The following BABAM2 variants were observed in gnomAD, a reference collection of about 807,000 sequenced individuals.
The protein encoded by BABAM2 is BRISC and BRCA1 A complex member 2, also known as BRISC and BRCA1-A complex member 2.
A neutral mutation model predicts 54.7 loss-of-function variants in BABAM2; 31 were observed. The ratio of observed to expected loss-of-function variants is 0.57; its 90% CI spans 0.43 to 0.77. BABAM2 has a LOEUF of 0.77. Among genes scored for constraint, BABAM2 ranks in the 30% least tolerant of loss-of-function variants. The pLI is 0.00. For synonymous variants in BABAM2, 167 were observed against 162.9 expected (o/e 1.03, Z -0.19); for missense variants, 364 against 455.8 (o/e 0.80, Z 1.83).
rs577390033 is a variant in BABAM2, at chr2:28,018,256, G to A, written c.301-6970G>A. On this transcript the variant is annotated intron_variant, in intron 4 of 11. Transcript: ENST00000379624. ...CTCCCACGTGTGAGTGAGAACATAC[G>A]ATGTTTGTTTTTTTATTCCTGAGTT... Among the ~76,000 whole-genome samples, 14 of 152,262 alleles carry A rather than the reference G, an allele frequency of 9.2e-5. No individual in the cohort carries two copies. In the South Asian group the frequency reaches 1.7e-3, roughly 18 times the overall value.
At chr2:27,963,667 G>A (rs1670639297) in intron 3 of BABAM2, among the ~76,000 whole-genome samples, 1 of 151,908 alleles carries the variant, frequency 6.6e-6, no homozygotes, top group South Asian at 2.1e-4. Context: ...AATCATTTCA[G>A]CAGAAAATTT....
At chr2:27,922,159 T>A (rs1382538675) in intron 2 of BABAM2, among the ~76,000 whole-genome samples, 1 of 152,240 alleles carries the variant, frequency 6.6e-6, no homozygotes, top group Non-Finnish European at 1.5e-5. Context: ...TTTGATGTCA[T>A]CATCTGTAAA....
At chr2:27,927,273 G>C (rs1403956853) in intron 2 of BABAM2, among the ~76,000 whole-genome samples, 1 of 152,150 alleles carries the variant, frequency 6.6e-6, no homozygotes, top group Non-Finnish European at 1.5e-5. Flanking sequence ...AAGAAGGAGT[G>C]AGTTATTCAA....
chr2:27,919,991 G>C (rs1395425089), intron 2 of BABAM2, among the ~76,000 whole-genome samples: 1 of 151,966 alleles, frequency 6.6e-6, no homozygotes, highest in Non-Finnish European at 1.5e-5. Context: ...CACTTATTTT[G>C]GTGATGGCAT....
chr2:28,198,274 C>T (rs1295210612), intron 7 of BABAM2, among the ~76,000 whole-genome samples: 1 of 152,056 alleles, frequency 6.6e-6, no homozygotes, highest in Non-Finnish European at 1.5e-5. Flanking sequence ...CGCCATTTTC[C>T]TGCCTCAGCC....
chr2:28,233,215 A>G (rs1300205154), intron 7 of BABAM2: 1 of 471,528 alleles, frequency 2.1e-6, no homozygotes, highest in Admixed American at 2.4e-5. Flanking sequence ...GGGGATCAGA[A>G]GTATCAGTGC....
At chr2:27,954,398 G>A (rs1395120145) in intron 3 of BABAM2, among the ~76,000 whole-genome samples, 2 of 152,200 alleles carry the variant, frequency 1.3e-5, no homozygotes, top group African/African-American at 2.4e-5. Flanking sequence ...GCTTCCTCCG[G>A]CCCTTGGAGG....
intron 9 of BABAM2, among the ~76,000 whole-genome samples, chr2:28,244,062 T>C (rs533326671): frequency 6.6e-6 from 1 of 152,284 alleles, no homozygotes; most frequent in East Asian, 1.9e-4. Flanking sequence ...GGCTACAGAA[T>C]TGCGCCTTGG....
intron 11 of BABAM2, among the ~76,000 whole-genome samples, chr2:28,302,140 G>A (rs1688158427): frequency 1.3e-5 from 2 of 152,066 alleles, no homozygotes; most frequent in Non-Finnish European, 2.9e-5. Context: ...TATGGTGGCC[G>A]GGAGCAGTCA....
At chr2:28,216,833 T>C (rs1402254835) in intron 7 of BABAM2, among the ~76,000 whole-genome samples, 2 of 152,178 alleles carry the variant, frequency 1.3e-5, no homozygotes, top group Non-Finnish European at 2.9e-5. Context: ...GACATTTGAC[T>C]CTTTCTTCTC....
At chr2:28,145,227 GA>G (rs1316471010) in intron 7 of BABAM2, among the ~76,000 whole-genome samples, 1 of 152,232 alleles carries the variant, frequency 6.6e-6, no homozygotes, top group Non-Finnish European at 1.5e-5. Flanking sequence ...AAAGAGCTGG[GA>G]GGATGCCCTG....
intron 5 of BABAM2, among the ~76,000 whole-genome samples, chr2:28,026,950 ATATATAT>A (rs1236178924): frequency 7.9e-4 from 3 of 3,794 alleles, no homozygotes; most frequent in East Asian, 0.1. Flanking sequence ...ATATATATTA[ATATATAT>A]AAATATATAT....
At chr2:27,899,002 G>C (rs1665559591) in intron 2 of BABAM2, among the ~76,000 whole-genome samples, 1 of 151,514 alleles carries the variant, frequency 6.6e-6, no homozygotes, top group South Asian at 2.1e-4. Flanking sequence ...AGTGGTACAT[G>C]CTTGTAGTCC....
At chr2:27,989,188 A>T (rs1329184753) in intron 4 of BABAM2, among the ~76,000 whole-genome samples, 1 of 152,084 alleles carries the variant, frequency 6.6e-6, no homozygotes, top group African/African-American at 2.4e-5. Context: ...ATTAAAGCTG[A>T]GAGTCTTAAA....
At chr2:28,045,937 C>A in intron 6 of BABAM2, 138 bp downstream of exon 6, 2 of 685,528 alleles carry the variant, frequency 2.9e-6, no homozygotes, top group Non-Finnish European at 2.3e-6. Flanking sequence ...ACATGAAGTT[C>A]CATTGAGCTG....
intron 10 of BABAM2, among the ~76,000 whole-genome samples, chr2:28,254,378 C>CCTCCCGCCTCGAT (rs1683771487): frequency 6.6e-6 from 1 of 152,088 alleles, no homozygotes; most frequent in African/African-American, 2.4e-5. Context: ...CTCAGGTGAT[C>CCTCCCGCCTCGAT]CTCCCGCCTC....
At chr2:28,245,429 T>TC (rs1682831049) in intron 10 of BABAM2, among the ~76,000 whole-genome samples, 1 of 152,194 alleles carries the variant, frequency 6.6e-6, no homozygotes, top group Non-Finnish European at 1.5e-5. Context: ...TTTTAATGTA[T>TC]CCCCAACATC....
intron 10 of BABAM2, among the ~76,000 whole-genome samples, chr2:28,298,113 T>A (rs1229975015): frequency 1.3e-5 from 2 of 152,090 alleles, no homozygotes; most frequent in Non-Finnish European, 2.9e-5. Context: ...TTGGTGACAT[T>A]TTCACCCACG....
At chr2:28,200,421 C>T (rs527962741) in intron 7 of BABAM2, among the ~76,000 whole-genome samples, 9 of 152,342 alleles carry the variant, frequency 5.9e-5, no homozygotes, top group Admixed American at 2.6e-4. Context: ...CTCTTCTTCA[C>T]TCCCTGTTAA....
Sources: allele counts gnomAD v4.1 joint callset (sites outside exome capture counted in the v4.1 genomes callset), GRCh38; gene constraint gnomAD v4.1.1; transcripts MANE v1.5; gene names NCBI Gene and HGNC (gene_info 2026-07-23, HGNC 2026-07-21).